ERBB4: variants seen among roughly 807,000 people sequenced by gnomAD.
ERBB4 encodes erb-b2 receptor tyrosine kinase 4.
Under a neutral mutation model 158.0 loss-of-function variants are expected in ERBB4, and 42 were observed. That is an observed-to-expected ratio of 0.27 (90% CI 0.21 to 0.34). The LOEUF (loss-of-function observed/expected upper bound fraction) is 0.34, where lower values mean the gene tolerates loss of function less well. ERBB4 is among the 10% of genes least tolerant of loss of function. The pLI, the probability that ERBB4 is intolerant of heterozygous loss-of-function variation, is 1.00. For synonymous variants in ERBB4, 583 were observed against 558.7 expected, an observed-to-expected ratio of 1.04 and a Z score of -0.61; for missense variants, 1,333 against 1,624.1, an observed-to-expected ratio of 0.82 and a Z score of 3.08.
chr2:212,482,806 T>C (rs773747045), intron 1 of ERBB4, among the ~76,000 whole-genome samples: 3 of 152,132 alleles, frequency 2.0e-5, no homozygotes, highest in Non-Finnish European at 4.4e-5. Flanking sequence ...TGTATTTTAA[T>C]AGAAATAGGG....
intron 1 of ERBB4, among the ~76,000 whole-genome samples, chr2:212,211,975 G>A (rs183108019): frequency 1.2e-3 from 181 of 152,186 alleles, no homozygotes; most frequent in African/African-American, 4.0e-3. Context: ...ATGGGCATTT[G>A]GGTTGGTTCC....
chr2:212,314,612 A>G (rs760850702), intron 1 of ERBB4, among the ~76,000 whole-genome samples: 2 of 151,148 alleles, frequency 1.3e-5, no homozygotes, highest in Non-Finnish European at 1.5e-5. Context: ...AAAAGAATCA[A>G]ATTTTGAAGC....
chr2:212,146,646 C>T (rs1486995400), intron 1 of ERBB4, among the ~76,000 whole-genome samples: 1 of 152,066 alleles, frequency 6.6e-6, no homozygotes, highest in African/African-American at 2.4e-5. Context: ...CATTATTTAT[C>T]CCTGAACAGC....
intron 5 of ERBB4, among the ~76,000 whole-genome samples, chr2:211,739,269 T>TA (rs1559474636): frequency 6.6e-6 from 1 of 151,390 alleles, no homozygotes; most frequent in African/African-American, 2.4e-5. Flanking sequence ...TTGTCATTTT[T>TA]AAAAAATGTC....
intron 1 of ERBB4, 52 bp from the exon 2 acceptor site, chr2:212,124,955 C>A (rs778090258): frequency 1.3e-6 from 2 of 1,579,562 alleles, no homozygotes; most frequent in Non-Finnish European, 1.7e-6. Context: ...ATATGATATG[C>A]GCAATGATAA....
At chr2:212,475,429 T>A (rs932910673) in intron 1 of ERBB4, among the ~76,000 whole-genome samples, 1 of 152,190 alleles carries the variant, frequency 6.6e-6, no homozygotes, top group African/African-American at 2.4e-5. Flanking sequence ...CACTTCCCTA[T>A]CTTTGTGTTC....
At chr2:212,276,069 C>A (rs1440893363) in intron 1 of ERBB4, among the ~76,000 whole-genome samples, 2 of 151,762 alleles carry the variant, frequency 1.3e-5, no homozygotes, top group African/African-American at 4.8e-5. Context: ...AGGGTCAGCT[C>A]TAATGTGGTT....
chr2:211,521,313 T>C (rs2066179752), intron 20 of ERBB4, among the ~76,000 whole-genome samples: 1 of 152,158 alleles, frequency 6.6e-6, no homozygotes, highest in African/African-American at 2.4e-5. Flanking sequence ...ATGAAGATCA[T>C]TTTAGTGGTC....
intron 20 of ERBB4, among the ~76,000 whole-genome samples, chr2:211,543,109 G>A (rs2066856796): frequency 6.6e-6 from 1 of 151,852 alleles, no homozygotes; most frequent in South Asian, 2.1e-4. Flanking sequence ...TGTTGCAATG[G>A]GGATTGTTTT....
chr2:211,722,375 T>C lies in ERBB4; in HGVS notation c.883+18A>G. 1 of 1,601,938 alleles carries C rather than the reference T, an allele frequency of 6.2e-7. No individual in the cohort carries two copies. On this transcript the variant is annotated intron_variant, in intron 7 of 27. Coordinates refer to ENST00000342788, the MANE Select transcript of ERBB4 (RefSeq NM_005235.3). ...ATAATGACCTAATTAATTTGGTTAT[T>C]CTTATTCTGTTACTTACGTGGACAT...
intron 3 of ERBB4, among the ~76,000 whole-genome samples, chr2:211,937,792 C>T (rs2080369219): frequency 6.6e-6 from 1 of 152,130 alleles, no homozygotes; most frequent in Non-Finnish European, 1.5e-5. Flanking sequence ...TCCTATAACA[C>T]ATGGGGATTA....
chr2:212,200,433 T>C (rs2082557479), intron 1 of ERBB4, among the ~76,000 whole-genome samples: 1 of 152,160 alleles, frequency 6.6e-6, no homozygotes, highest in South Asian at 2.1e-4. Context: ...CAGATGACTA[T>C]TGGTTATTTT....
chr2:212,239,142 C>T (rs886471253), intron 1 of ERBB4, among the ~76,000 whole-genome samples: 4 of 152,184 alleles, frequency 2.6e-5, no homozygotes, highest in Admixed American at 2.6e-4. Context: ...TAGCCGCAAA[C>T]TCCTGGATGA....
intron 2 of ERBB4, among the ~76,000 whole-genome samples, chr2:212,079,822 T>C (rs1444260833): frequency 1.3e-5 from 2 of 152,136 alleles, no homozygotes; most frequent in East Asian, 3.9e-4. Context: ...CTGTTTCTTC[T>C]TTCTTTGATA....
rs1574632909 is a variant in ERBB4, at chr2:212,300,614, AGAG to A, written c.83-175714_83-175712del. On this transcript the variant is annotated intron_variant, in intron 1 of 27. Transcript: ENST00000342788. ...GAAAGCAGTAAATCGAGATGTGATA[AGAG>A]GAGTGGGGTGACGGGAACCACTTAT... Among the ~76,000 whole-genome samples, 4 of 151,490 alleles carry A rather than the reference AGAG, an allele frequency of 2.6e-5. No individual in the cohort carries two copies. The South Asian group carries it at 8.3e-4, about 31-fold the overall frequency.
At chr2:212,205,461 C>T (rs990020559) in intron 1 of ERBB4, among the ~76,000 whole-genome samples, 2 of 152,106 alleles carry the variant, frequency 1.3e-5, no homozygotes, top group African/African-American at 2.4e-5. Flanking sequence ...CTACACTTTC[C>T]TCCATAAAAA....
At chr2:212,482,663 C>A (rs1689762560) in intron 1 of ERBB4, among the ~76,000 whole-genome samples, 1 of 152,196 alleles carries the variant, frequency 6.6e-6, no homozygotes, top group African/African-American at 2.4e-5. Context: ...TGTTGCCAGG[C>A]TGGAGTGCAG....
At chr2:212,197,075 C>T (rs2082448592) in intron 1 of ERBB4, among the ~76,000 whole-genome samples, 1 of 152,034 alleles carries the variant, frequency 6.6e-6, no homozygotes, top group Admixed American at 6.6e-5. Context: ...CTCCTTTATA[C>T]ACCCCTAATT....
At chr2:212,435,110 G>A (rs1433320786) in intron 1 of ERBB4, among the ~76,000 whole-genome samples, 2 of 151,866 alleles carry the variant, frequency 1.3e-5, no homozygotes, top group Non-Finnish European at 2.9e-5. Flanking sequence ...TGTTTTTAAA[G>A]CTATGAGTTT....
Sources: gnomAD v4.1 joint callset for allele counts (sites outside exome capture counted in the v4.1 genomes callset) on GRCh38, gnomAD v4.1.1 for gene constraint, MANE v1.5 for transcripts, NCBI Gene and HGNC (gene_info 2026-07-23, HGNC 2026-07-21) for gene names.